The following ERC1 variants were observed in gnomAD, a reference collection of about 807,000 sequenced individuals.
ERC1 encodes ELKS/RAB6-interacting/CAST family member 1.
In ERC1, 56 loss-of-function variants were observed where a neutral mutation model predicts 132.0. The ratio of observed to expected loss-of-function variants is 0.42; its 90% CI spans 0.34 to 0.53. The LOEUF (loss-of-function observed/expected upper bound fraction) is 0.53, where lower values mean the gene tolerates loss of function less well. ERC1 is among the 20% of genes least tolerant of loss of function. The pLI is 0.03. For missense variants in ERC1, 1,202 were observed against 1,349.9 expected (o/e 0.89, Z 1.72); for synonymous variants, 478 against 476.1 (o/e 1.00, Z -0.05).
chr12:1,251,265 A>G (rs1428602086), intron 13 of ERC1, among the ~76,000 whole-genome samples: 1 of 152,156 alleles, frequency 6.6e-6, no homozygotes. Flanking sequence ...GATTTGTCAC[A>G]TGCTGGATAC....
At chr12:1,049,677 G>A (rs1473124550) in intron 2 of ERC1, among the ~76,000 whole-genome samples, 2 of 151,666 alleles carry the variant, frequency 1.3e-5, no homozygotes, top group African/African-American at 4.8e-5. Context: ...ATGGATAGAG[G>A]TTGGTTATCA....
chr12:1,194,922 G>A (rs1039742917), intron 12 of ERC1, among the ~76,000 whole-genome samples: 9 of 140,278 alleles, frequency 6.4e-5, no homozygotes, highest in African/African-American at 2.4e-4. Flanking sequence ...GGGAATATAA[G>A]AACCGGGATT....
intron 16 of ERC1, among the ~76,000 whole-genome samples, chr12:1,394,537 G>A (rs1013963584): frequency 6.6e-6 from 1 of 152,180 alleles, no homozygotes; most frequent in African/African-American, 2.4e-5. Context: ...GTTATTCACA[G>A]TGTTGAAGAA....
At chr12:1,096,062 G>T (rs547857605) in intron 3 of ERC1, among the ~76,000 whole-genome samples, 2 of 151,902 alleles carry the variant, frequency 1.3e-5, no homozygotes, top group Non-Finnish European at 2.9e-5. Context: ...AAGTGGCTGG[G>T]ACTACACATG....
chr12:1,165,860 T>C (rs900271694), intron 8 of ERC1, among the ~76,000 whole-genome samples: 10 of 152,230 alleles, frequency 6.6e-5, no homozygotes, highest in African/African-American at 2.2e-4. Flanking sequence ...GATTCAGTGG[T>C]TTTCAGAATA....
intron 14 of ERC1, among the ~76,000 whole-genome samples, chr12:1,286,661 G>C (rs138017683): frequency 1.6e-4 from 24 of 152,180 alleles, no homozygotes; most frequent in African/African-American, 5.5e-4. Context: ...TACCATATTT[G>C]TCTATATAGT....
At chr12:1,375,090 G>C (rs1359743555) in intron 16 of ERC1, among the ~76,000 whole-genome samples, 3 of 125,664 alleles carry the variant, frequency 2.4e-5, no homozygotes, top group Admixed American at 2.2e-4. Flanking sequence ...CTAGTCATCT[G>C]GCAGACATTC....
chr12:1,410,195 G>A (rs2091761882), intron 17 of ERC1, among the ~76,000 whole-genome samples: 1 of 152,176 alleles, frequency 6.6e-6, no homozygotes, highest in Admixed American at 6.5e-5. Context: ...ATCCACAGAT[G>A]TGGAACCTGC....
At chr12:1,473,477 A>G (rs2093907007) in intron 18 of ERC1, among the ~76,000 whole-genome samples, 1 of 152,070 alleles carries the variant, frequency 6.6e-6, no homozygotes, top group African/African-American at 2.4e-5. Flanking sequence ...ACAAAGTAGG[A>G]AGGGGAGCTG....
At chr12:1,074,709 C>T (rs1339747894) in intron 2 of ERC1, among the ~76,000 whole-genome samples, 1 of 152,192 alleles carries the variant, frequency 6.6e-6, no homozygotes, top group East Asian at 1.9e-4. Flanking sequence ...CAGCCATTAT[C>T]TTGCTACTTA....
At chr12:1,119,116 C>G (rs1394471606) in intron 7 of ERC1, among the ~76,000 whole-genome samples, 2 of 152,154 alleles carry the variant, frequency 1.3e-5, no homozygotes, top group African/African-American at 2.4e-5. Context: ...TGAGCTCAAG[C>G]AATCCTCCTG....
intron 17 of ERC1, among the ~76,000 whole-genome samples, chr12:1,413,102 A>G (rs1461408891): frequency 6.6e-6 from 1 of 152,198 alleles, no homozygotes; most frequent in Non-Finnish European, 1.5e-5. Flanking sequence ...CATCTCCTAT[A>G]TGTTGAGGAA....
At chr12:1,304,861 C>T (rs1046082039) in intron 15 of ERC1, among the ~76,000 whole-genome samples, 1 of 135,590 alleles carries the variant, frequency 7.4e-6, no homozygotes, top group Non-Finnish European at 1.5e-5. Flanking sequence ...GTGATCTCGG[C>T]TCACTGCAAG....
chr12:1,223,714 TTATTA>T (rs1196863044), intron 12 of ERC1, among the ~76,000 whole-genome samples: 1 of 152,220 alleles, frequency 6.6e-6, no homozygotes, highest in Non-Finnish European at 1.5e-5. Context: ...ATTTCACTGT[TTATTA>T]TAATAGTTGG....
intron 15 of ERC1, among the ~76,000 whole-genome samples, chr12:1,293,481 T>C (rs112863319): frequency 0.037 from 4,461 of 120,734 alleles, 274 homozygotes; most frequent in African/African-American, 0.13. Context: ...CAACAACAAT[T>C]AGCCAGGCGT....
At chr12:1,270,167 C>T (rs1202925444) in intron 14 of ERC1, among the ~76,000 whole-genome samples, 1 of 152,126 alleles carries the variant, frequency 6.6e-6, no homozygotes, top group Non-Finnish European at 1.5e-5. Context: ...GTGCTTACAT[C>T]TATAGAAGTG....
At chr12:1,187,099 G>A (rs960598259) in intron 11 of ERC1, among the ~76,000 whole-genome samples, 5 of 152,204 alleles carry the variant, frequency 3.3e-5, no homozygotes, top group African/African-American at 1.2e-4. Flanking sequence ...CCAAAGTGAT[G>A]GGGTGACAGG....
intron 2 of ERC1, among the ~76,000 whole-genome samples, chr12:1,045,844 A>C (rs1487477547): frequency 6.6e-6 from 1 of 152,198 alleles, no homozygotes; most frequent in Non-Finnish European, 1.5e-5. Context: ...GGTGTATCAT[A>C]GGATCCAAAG....
At position 1,104,288 on chromosome 12, in the gene ERC1, G is replaced by A. The variant is rs922041617; in HGVS notation, c.1087-462G>A. ...GGTGGTTATTCTGGGGGTGGATGCC[G>A]TGGAAAGGATGTTGTCAACACAGAT... On this transcript the variant is annotated intron_variant, in intron 3 of 18. Transcript: ENST00000360905. Among the ~76,000 whole-genome samples the A allele has an allele frequency of 5.9e-5, 9 of 152,262 alleles. No homozygotes were observed. The South Asian group carries it at 6.2e-4, about 11-fold the overall frequency.
Sources: gnomAD v4.1 joint callset for allele counts (sites outside exome capture counted in the v4.1 genomes callset) on GRCh38, gnomAD v4.1.1 for gene constraint, MANE v1.5 for transcripts, NCBI Gene and HGNC (gene_info 2026-07-23, HGNC 2026-07-21) for gene names.